Variants in TMEM117 observed in about 807,000 individuals in gnomAD.
The protein encoded by TMEM117 is transmembrane protein 117.
TMEM117 carries 27 observed loss-of-function variants against 52.4 expected under a neutral mutation model. The observed-to-expected ratio is 0.51, with a 90% confidence interval of 0.38 to 0.71. TMEM117 has a LOEUF of 0.71. Among genes scored for constraint, TMEM117 ranks in the 30% least tolerant of loss-of-function variants. The probability of loss-of-function intolerance (pLI) is 0.00; values close to 1 mark genes in which losing one functional copy is unlikely to be tolerated. For missense variants in TMEM117, 556 were observed against 630.5 expected (o/e 0.88, Z 1.26); for synonymous variants, 215 against 206.3 (o/e 1.04, Z -0.36).
intron 6 of TMEM117, among the ~76,000 whole-genome samples, chr12:44,359,063 C>G (rs969719633): frequency 1.3e-5 from 2 of 151,980 alleles, no homozygotes; most frequent in African/African-American, 2.4e-5. Flanking sequence ...TATTATATCC[C>G]CTTTGAACCC....
At chr12:44,006,077 G>C (rs1438141859) in intron 3 of TMEM117, among the ~76,000 whole-genome samples, 1 of 152,164 alleles carries the variant, frequency 6.6e-6, no homozygotes, top group Admixed American at 6.5e-5. Flanking sequence ...TAGCGGATCA[G>C]CTATAAAGAT....
At chr12:43,865,211 C>G (rs546933614) in intron 2 of TMEM117, among the ~76,000 whole-genome samples, 1 of 152,246 alleles carries the variant, frequency 6.6e-6, no homozygotes, top group Admixed American at 6.5e-5. Flanking sequence ...AAGGGTTGAA[C>G]AGAGATTTTA....
intron 3 of TMEM117, among the ~76,000 whole-genome samples, chr12:44,059,672 A>C (rs1039604586): frequency 5.9e-5 from 9 of 152,238 alleles, no homozygotes; most frequent in Admixed American, 4.6e-4. Flanking sequence ...TACATAGTGT[A>C]TACAGCAACA....
At chr12:44,313,923 G>C (rs1211130637) in intron 6 of TMEM117, among the ~76,000 whole-genome samples, 1 of 152,086 alleles carries the variant, frequency 6.6e-6, no homozygotes, top group Non-Finnish European at 1.5e-5. Flanking sequence ...TTGGTGTATA[G>C]AAATGGTACT....
intron 2 of TMEM117, among the ~76,000 whole-genome samples, chr12:43,908,860 A>C (rs1204983003): frequency 1.4e-5 from 2 of 147,932 alleles, no homozygotes; most frequent in Non-Finnish European, 3.0e-5. Flanking sequence ...GTCCTGAGTG[A>C]CCTACAAAGA....
chr12:43,875,727 G>C (rs984744666), intron 2 of TMEM117, among the ~76,000 whole-genome samples: 1 of 152,158 alleles, frequency 6.6e-6, no homozygotes, highest in Non-Finnish European at 1.5e-5. Flanking sequence ...ATTTACTATT[G>C]AAAGGAAGAA....
At chr12:43,798,813 T>C in the TMEM117 span, among the ~76,000 whole-genome samples, 1 of 152,106 alleles carries the variant, frequency 6.6e-6, no homozygotes, top group Admixed American at 6.5e-5. Context: ...CTTGTTCTTT[T>C]CTGTAAAGTC....
At chr12:43,899,704 T>C (rs1944273213) in intron 2 of TMEM117, among the ~76,000 whole-genome samples, 1 of 152,308 alleles carries the variant, frequency 6.6e-6, no homozygotes, top group East Asian at 1.9e-4. Context: ...CTACTATTTA[T>C]TGAGCACCTG....
intron 5 of TMEM117, among the ~76,000 whole-genome samples, chr12:44,223,647 A>G (rs1314802069): frequency 6.6e-6 from 1 of 152,168 alleles, no homozygotes; most frequent in East Asian, 1.9e-4. Context: ...GGCTGCTCAC[A>G]TTTTAAACCA....
intron 3 of TMEM117, among the ~76,000 whole-genome samples, chr12:43,956,421 A>G (rs1386156434): frequency 6.6e-6 from 1 of 151,496 alleles, no homozygotes; most frequent in African/African-American, 2.4e-5. Context: ...TCCAGAATCT[A>G]TAAGGAACTT....
At chr12:44,058,646 G>C (rs546598382) in intron 3 of TMEM117, among the ~76,000 whole-genome samples, 1 of 152,300 alleles carries the variant, frequency 6.6e-6, no homozygotes, top group South Asian at 2.1e-4. Flanking sequence ...TCTTCTGTGC[G>C]AAGGAAGTGG....
intron 3 of TMEM117, among the ~76,000 whole-genome samples, chr12:43,974,189 A>G (rs774070182): frequency 7.2e-5 from 11 of 152,086 alleles, no homozygotes; most frequent in Non-Finnish European, 1.2e-4. Context: ...TTCACTACCT[A>G]TTTCTTCACT....
At chr12:44,188,952 A>G (rs546039888) in intron 4 of TMEM117, among the ~76,000 whole-genome samples, 1 of 152,324 alleles carries the variant, frequency 6.6e-6, no homozygotes, top group South Asian at 2.1e-4. Flanking sequence ...TAATAGATGT[A>G]CATATTTTCA....
intron 5 of TMEM117, among the ~76,000 whole-genome samples, chr12:44,222,370 G>T (rs1949799790): frequency 6.6e-6 from 1 of 152,138 alleles, no homozygotes; most frequent in Admixed American, 6.5e-5. Flanking sequence ...GAAAAGGAGG[G>T]CATCCAGAGC....
chr12:44,150,406 T>C (rs1592559510), intron 4 of TMEM117, among the ~76,000 whole-genome samples: 1 of 152,122 alleles, frequency 6.6e-6, no homozygotes, highest in Non-Finnish European at 1.5e-5. Flanking sequence ...GACTGTGCTC[T>C]TGGGCAATGG....
chr12:43,955,801 A>G (rs1209368969), intron 3 of TMEM117, among the ~76,000 whole-genome samples: 1 of 152,224 alleles, frequency 6.6e-6, no homozygotes, highest in Non-Finnish European at 1.5e-5. Context: ...TAAAATTCAT[A>G]TGGAACCAAA....
chr12:44,166,982 T>C (rs545759932), intron 4 of TMEM117, among the ~76,000 whole-genome samples: 2 of 152,354 alleles, frequency 1.3e-5, no homozygotes, highest in South Asian at 2.1e-4. Flanking sequence ...CAAACTAATT[T>C]TGCAATAATT....
chr12:43,986,450 T>A (rs1374082601), intron 3 of TMEM117, among the ~76,000 whole-genome samples: 1 of 152,156 alleles, frequency 6.6e-6, no homozygotes, highest in Non-Finnish European at 1.5e-5. Context: ...TACTTTGTTG[T>A]CCTATGGCAT....
intron 3 of TMEM117, among the ~76,000 whole-genome samples, chr12:44,127,732 G>C (rs11182423): frequency 0.27 from 41,268 of 152,038 alleles, 10,191 homozygotes; most frequent in African/African-American, 0.66. Flanking sequence ...GTGGGCCTTA[G>C]CCAATCCGTT....
Sources: gnomAD v4.1 joint callset for allele counts (sites outside exome capture counted in the v4.1 genomes callset) on GRCh38, gnomAD v4.1.1 for gene constraint, MANE v1.5 for transcripts, NCBI Gene and HGNC (gene_info 2026-07-23, HGNC 2026-07-21) for gene names.